The following CTNND2 variants were observed in gnomAD, a reference collection of about 807,000 sequenced individuals.
CTNND2 encodes the protein catenin delta 2, also known as catenin delta-2.
A neutral mutation model predicts 144.4 loss-of-function variants in CTNND2; 22 were observed. The observed-to-expected ratio is 0.15, with a 90% CI of 0.11 to 0.22. The LOEUF is 0.22. Ranked by LOEUF, CTNND2 falls within the 10% of genes least tolerant of loss-of-function variation. The probability of loss-of-function intolerance (pLI) is 1.00; values close to 1 mark genes in which losing one functional copy is unlikely to be tolerated. For missense variants in CTNND2, 1,353 were observed against 1,618.8 expected, an observed-to-expected ratio of 0.84 and a Z score of 2.82; for synonymous variants, 751 against 695.6, an observed-to-expected ratio of 1.08 and a Z score of -1.25.
intron 1 of CTNND2, among the ~76,000 whole-genome samples, chr5:11,758,913 C>T (rs1157229021): frequency 6.6e-6 from 1 of 151,894 alleles, no homozygotes; most frequent in African/African-American, 2.4e-5. Flanking sequence ...AGTTACCACT[C>T]TCTAATACAT....
chr5:11,293,750 G>T (rs154713), intron 9 of CTNND2, among the ~76,000 whole-genome samples: 5,542 of 146,934 alleles, frequency 0.038, 273 homozygotes, highest in African/African-American at 0.1. Context: ...ACCACCTTTT[G>T]TTTAAGCATT....
chr5:11,213,293 C>T (rs775286490), intron 10 of CTNND2, among the ~76,000 whole-genome samples: 5 of 152,094 alleles, frequency 3.3e-5, no homozygotes, highest in Non-Finnish European at 5.9e-5. Context: ...AAAGGAAAAG[C>T]TTAAGTTCCA....
chr5:11,403,508 C>A (rs1760811291), intron 5 of CTNND2, among the ~76,000 whole-genome samples: 1 of 152,062 alleles, frequency 6.6e-6, no homozygotes, highest in African/African-American at 2.4e-5. Flanking sequence ...GGAATGTGTA[C>A]CCAAAGAATT....
At chr5:11,470,001 G>A (rs1335774234) in intron 3 of CTNND2, among the ~76,000 whole-genome samples, 5 of 152,082 alleles carry the variant, frequency 3.3e-5, no homozygotes, top group South Asian at 2.1e-4. Context: ...CAATACCTTA[G>A]AGGCTCCAAA....
At chr5:10,984,795 C>A (rs189924034) in intron 20 of CTNND2, among the ~76,000 whole-genome samples, 12 of 152,108 alleles carry the variant, frequency 7.9e-5, no homozygotes, top group Non-Finnish European at 1.6e-4. Flanking sequence ...CATAAGAGGC[C>A]GGGTGTGGTG....
intron 9 of CTNND2, among the ~76,000 whole-genome samples, chr5:11,237,775 G>A (rs1049548953): frequency 6.6e-6 from 1 of 152,174 alleles, no homozygotes; most frequent in East Asian, 1.9e-4. Flanking sequence ...AGAATTGGAT[G>A]AGTCCAATCC....
At chr5:11,411,068 G>A (rs1581136954) in intron 5 of CTNND2, among the ~76,000 whole-genome samples, 1 of 151,766 alleles carries the variant, frequency 6.6e-6, no homozygotes. Flanking sequence ...GAGATGGGGT[G>A]TCACCATATT....
At chr5:11,243,155 G>C (rs773609567) in intron 9 of CTNND2, among the ~76,000 whole-genome samples, 63 of 152,194 alleles carry the variant, frequency 4.1e-4, no homozygotes, top group Non-Finnish European at 8.2e-4. Context: ...GCTTCAGCTA[G>C]CAGTACAATT....
At chr5:11,074,681 C>A (rs1748726449) in intron 16 of CTNND2, among the ~76,000 whole-genome samples, 1 of 152,194 alleles carries the variant, frequency 6.6e-6, no homozygotes. Flanking sequence ...ACCCCTCACT[C>A]CAGTTCTCCA....
rs183158256 is a variant in CTNND2, at chr5:11,196,819, C to T, written c.1975+2629G>A. The stretch of plus-strand genomic sequence containing the variant: ...TAGGGGGCACTGGTGTAGACATCTC[C>T]GTGGCTGCACTGTGTGGTCAACTGA... On this transcript the variant is annotated intron_variant, in intron 11 of 21. Coordinates refer to ENST00000304623, the MANE Select transcript of CTNND2 (RefSeq NM_001332.4). Among the ~76,000 whole-genome samples, 5 of 152,296 alleles carry T rather than the reference C, an allele frequency of 3.3e-5. No individual in the cohort carries two copies. The East Asian group carries it at 5.8e-4, about 18-fold the overall frequency.
intron 16 of CTNND2, among the ~76,000 whole-genome samples, chr5:11,079,096 G>A (rs951261876): frequency 5.0e-4 from 68 of 137,176 alleles, no homozygotes; most frequent in African/African-American, 2.0e-3. Flanking sequence ...GTCATAAAAG[G>A]CTTAATATAC....
At position 11,000,737 on chromosome 5, in the gene CTNND2, T is replaced by C. The variant is rs111698394; in HGVS notation, c.3085-8060A>G. The stretch of plus-strand genomic sequence containing the variant: ...TTGGCCCTTCTCTCACAATTACTGG[T>C]AAGCTCCATCTCAGCTTCTTTTCCA... On this transcript the variant is annotated intron_variant, in intron 18 of 21. Coordinates refer to ENST00000304623, the MANE Select transcript of CTNND2 (RefSeq NM_001332.4). Among the ~76,000 whole-genome samples the C allele has an allele frequency of 2.1e-4, 32 of 152,336 alleles. 1 individual carries two copies. Among genetic ancestry groups the C allele is most frequent in the African/African-American group, 5.8e-4 (24 of 41,580 alleles).
At chr5:11,212,151 C>G (rs1325680639) in intron 10 of CTNND2, among the ~76,000 whole-genome samples, 2 of 152,104 alleles carry the variant, frequency 1.3e-5, no homozygotes, top group East Asian at 3.9e-4. Context: ...CTTAACCACA[C>G]TAAACTGTGG....
chr5:11,807,527 T>A (rs1245042156), intron 1 of CTNND2, among the ~76,000 whole-genome samples: 2 of 152,174 alleles, frequency 1.3e-5, no homozygotes, highest in African/African-American at 4.8e-5. Context: ...GTCATCGAGT[T>A]CAAAGGAACA....
chr5:11,419,059 G>GAT lies in CTNND2; in HGVS notation c.288-6992_288-6991dup, dbSNP rs567466512. The stretch of plus-strand genomic sequence containing the variant: ...AGATATATAGATAGACATCTATATA[G>GAT]ATATATATATAGAGAGAGAGAGAAT... On this transcript the variant is annotated intron_variant, in intron 3 of 21. Coordinates refer to ENST00000304623, the MANE Select transcript of CTNND2 (RefSeq NM_001332.4). Among the ~76,000 whole-genome samples the GAT allele has an allele frequency of 4.8e-3, 581 of 120,910 alleles. 1 individual carries two copies. The highest frequency in any genetic ancestry group is 5.3e-3 in the Admixed American group (67 of 12,658). The allele number at this position is 120,910 out of a possible 152,430, so 79.3% of individuals were successfully genotyped here. A position where few individuals can be genotyped will look rare whatever the true frequency, so the allele number is the denominator to read the frequency against.
At chr5:11,233,774 C>T (rs1741315241) in intron 10 of CTNND2, among the ~76,000 whole-genome samples, 1 of 151,702 alleles carries the variant, frequency 6.6e-6, no homozygotes, top group African/African-American at 2.4e-5. Flanking sequence ...ATGCACGCCT[C>T]CCTATGTGAC....
intron 1 of CTNND2, among the ~76,000 whole-genome samples, chr5:11,860,847 G>A (rs1040753694): frequency 1.3e-5 from 2 of 152,128 alleles, no homozygotes; most frequent in Non-Finnish European, 2.9e-5. Context: ...TGCAAATATA[G>A]GGCATTGTAC....
At chr5:11,078,309 C>T (rs1749165670) in intron 16 of CTNND2, among the ~76,000 whole-genome samples, 1 of 152,178 alleles carries the variant, frequency 6.6e-6, no homozygotes, top group Non-Finnish European at 1.5e-5. Flanking sequence ...TAGCAAAAGT[C>T]GCATTTCCTC....
chr5:11,554,307 C>T (rs1314188164), intron 3 of CTNND2, among the ~76,000 whole-genome samples: 1 of 152,094 alleles, frequency 6.6e-6, no homozygotes, highest in African/African-American at 2.4e-5. Context: ...AGCAGAATAT[C>T]AGTTCAAGAA....
Sources: gnomAD v4.1 joint callset for allele counts (sites outside exome capture counted in the v4.1 genomes callset) on GRCh38, gnomAD v4.1.1 for gene constraint, MANE v1.5 for transcripts, NCBI Gene and HGNC (gene_info 2026-07-23, HGNC 2026-07-21) for gene names.